The following CNKSR2 variants were observed in gnomAD, a reference collection of about 807,000 sequenced individuals.
The protein encoded by CNKSR2 is connector enhancer of kinase suppressor of Ras 2.
In CNKSR2, 14 loss-of-function variants were observed where a neutral mutation model predicts 84.4. The ratio of observed to expected loss-of-function variants is 0.17; its 90% CI spans 0.11 to 0.26. CNKSR2 has a LOEUF of 0.26. CNKSR2 is among the 10% of genes least tolerant of loss of function. The pLI, the probability that CNKSR2 is intolerant of heterozygous loss-of-function variation, is 1.00. For synonymous variants in CNKSR2, 275 were observed against 277.9 expected (o/e 0.99, Z 0.10); for missense variants, 485 against 771.2 (o/e 0.63, Z 4.40).
chrX:21,499,303 T>C (rs1449376218), intron 7 of CNKSR2, among the ~76,000 whole-genome samples: 1 of 111,854 alleles, frequency 8.9e-6, no homozygotes. Context: ...AATTTTAAAA[T>C]AACTAGTTTG....
At chrX:21,499,932 G>C (rs2091541974) in intron 7 of CNKSR2, among the ~76,000 whole-genome samples, 1 of 110,343 alleles carries the variant, frequency 9.1e-6, no homozygotes, top group Non-Finnish European at 1.9e-5. Flanking sequence ...ATAATGACTA[G>C]AGCCATTTGC....
chrX:21,533,948 T>A (rs2147127112), intron 11 of CNKSR2, among the ~76,000 whole-genome samples: 1 of 111,032 alleles, frequency 9.0e-6, no homozygotes, highest in South Asian at 3.8e-4. Context: ...ATTCGAAATC[T>A]TCTCTTCCAG....
chrX:21,428,887 C>G (rs1040290582), intron 2 of CNKSR2: 4 of 111,016 alleles, frequency 3.6e-5, no homozygotes, highest in East Asian at 2.8e-4. Context: ...TTAAAGCAAG[C>G]CTTTTAGGAC....
intron 20 of CNKSR2, among the ~76,000 whole-genome samples, chrX:21,623,321 C>A (rs754851505): frequency 1.8e-5 from 2 of 111,384 alleles, no homozygotes; most frequent in African/African-American, 3.3e-5. Context: ...AACTGTACTA[C>A]CAATTTCTGC....
At chrX:21,607,220 C>G (rs912284254) in intron 19 of CNKSR2, among the ~76,000 whole-genome samples, 3 of 111,824 alleles carry the variant, frequency 2.7e-5, no homozygotes, top group African/African-American at 9.8e-5. Flanking sequence ...CTATTCCACA[C>G]TAATAAAGTG....
chrX:21,563,063 A>G (rs889599790), intron 12 of CNKSR2, among the ~76,000 whole-genome samples, 175 bp from the exon 13 acceptor site: 2 of 111,759 alleles, frequency 1.8e-5, no homozygotes, highest in African/African-American at 6.5e-5. Flanking sequence ...ATCAAGTTAA[A>G]GTTCTGAAAT....
intron 8 of CNKSR2, 115 bp from the exon 9 acceptor site, chrX:21,516,370 G>A: frequency 1.3e-6 from 1 of 747,078 alleles, no homozygotes; most frequent in Non-Finnish European, 2.0e-6. Context: ...AAAATTGATA[G>A]GATGGTACAC....
chrX:21,376,125 A>G lies in CNKSR2; in HGVS notation c.64+1164A>G, dbSNP rs966697783. The stretch of plus-strand genomic sequence containing the variant: ...GCTGAAAATGCCCGTTCCTACGATG[A>G]AGGAGCCCCTTCTTGGGCTTACTTA... On this transcript the variant is annotated intron_variant, in intron 1 of 21. Transcript: ENST00000379510. Among the ~76,000 whole-genome samples the G allele has an allele frequency of 4.4e-5, 5 of 112,640 alleles. No individual in the cohort carries two copies. In the East Asian group the frequency reaches 1.4e-3, roughly 31 times the overall value.
intron 13 of CNKSR2, 79 bp from the exon 14 acceptor site, chrX:21,590,493 T>G: frequency 6.3e-4 from 590 of 932,593 alleles, no homozygotes; most frequent in Non-Finnish European, 8.2e-4. Context: ...ATTTAGCTCT[T>G]GAGAGTTCTG....
In CNKSR2 at chrX:21,374,680, C is replaced by T. The variant is rs758468428; in HGVS notation, c.-218C>T. 30 of 510,585 alleles carry T rather than the reference C, an allele frequency of 5.9e-5. No individual in the cohort carries two copies. The African/African-American group carries it at 6.3e-4, about 11-fold the overall frequency. 42.1% of individuals were successfully genotyped at this position (510,585 alleles called of 1,213,427 possible). A position where few individuals can be genotyped will look rare whatever the true frequency, so the allele number is the denominator to read the frequency against. The stretch of plus-strand genomic sequence containing the variant: ...GGAACTGAGCAGACCCGGCGCGGAG[C>T]CACGACTCCTGCACGTTTACCTCCC... On this transcript the variant is annotated 5_prime_UTR_variant, in exon 1 of 22. Transcript: ENST00000379510.
intron 13 of CNKSR2, among the ~76,000 whole-genome samples, chrX:21,566,914 TATTA>T (rs2092244011): frequency 8.9e-6 from 1 of 111,994 alleles, no homozygotes; most frequent in African/African-American, 3.2e-5. Flanking sequence ...AATACATTTT[TATTA>T]ATTCCATATA....
chrX:21,595,577 A>C (rs750686463), intron 17 of CNKSR2, among the ~76,000 whole-genome samples, 182 bp downstream of exon 17: 1 of 111,125 alleles, frequency 9.0e-6, no homozygotes, highest in Admixed American at 9.6e-5. Flanking sequence ...AAGTCAAAAT[A>C]AACTCGTTAA....
intron 16 of CNKSR2, 99 bp downstream of exon 16, chrX:21,595,146 T>A (rs2092444647): frequency 2.7e-6 from 2 of 730,814 alleles, no homozygotes; most frequent in Non-Finnish European, 2.0e-6. Flanking sequence ...CACATTGAGG[T>A]AATAAGAAAG....
chrX:21,527,614 T>G (rs193189131), intron 10 of CNKSR2, among the ~76,000 whole-genome samples: 8 of 111,202 alleles, frequency 7.2e-5, no homozygotes, highest in African/African-American at 2.6e-4. Flanking sequence ...TTATCGATTC[T>G]TATTTGAAAA....
intron 11 of CNKSR2, among the ~76,000 whole-genome samples, chrX:21,550,609 C>A (rs1374433955): frequency 8.9e-6 from 1 of 112,415 alleles, no homozygotes. Context: ...TATAAAGACA[C>A]ATGCACACGT....
chrX:21,425,191 A>T (rs2090549451), intron 1 of CNKSR2: 1 of 111,475 alleles, frequency 9.0e-6, no homozygotes, highest in Non-Finnish European at 1.9e-5. Flanking sequence ...AGACTCCTCA[A>T]CCCATTCGAT....
intron 5 of CNKSR2, among the ~76,000 whole-genome samples, chrX:21,484,265 C>T (rs909519549): frequency 1.8e-5 from 2 of 111,418 alleles, no homozygotes; most frequent in Non-Finnish European, 3.8e-5. Context: ...CCCTCCAGCC[C>T]TGGCGACAGA....
chrX:21,609,644 C>T, intron 20 of CNKSR2, 27 bp downstream of exon 20: 1 of 1,151,590 alleles, frequency 8.7e-7, no homozygotes, highest in Non-Finnish European at 1.2e-6. Context: ...AGATTCTTAG[C>T]CTGTGTACAC....
chrX:21,447,374 C>T (rs1371753052), intron 4 of CNKSR2, among the ~76,000 whole-genome samples: 2 of 111,264 alleles, frequency 1.8e-5, no homozygotes, highest in South Asian at 3.8e-4. Context: ...AATTTTATTG[C>T]TTATTATGTC....
Sources: gnomAD v4.1 joint callset for allele counts (sites outside exome capture counted in the v4.1 genomes callset) on GRCh38, gnomAD v4.1.1 for gene constraint, MANE v1.5 for transcripts, NCBI Gene and HGNC (gene_info 2026-07-23, HGNC 2026-07-21) for gene names.